The following ZNF292 variants were observed in gnomAD, a reference collection of about 807,000 sequenced individuals.
ZNF292 encodes 16 zinc-finger domain protein.
Under a neutral mutation model 217.9 loss-of-function variants are expected in ZNF292, and 26 were observed. That is an observed-to-expected ratio of 0.12 (90% CI 0.09 to 0.17). The LOEUF is 0.17. Ranked by LOEUF, ZNF292 falls within the 10% of genes least tolerant of loss-of-function variation. ZNF292 has a pLI of 1.00. For synonymous variants in ZNF292, 1,257 were observed against 1,124.1 expected, an observed-to-expected ratio of 1.12 and a Z score of -2.37; for missense variants, 2,904 against 3,175.2, an observed-to-expected ratio of 0.91 and a Z score of 2.05.
rs188562887 is a variant in ZNF292, at chr6:87,245,145, G to T, written c.879-358G>T. Among the ~76,000 whole-genome samples the T allele has an allele frequency of 2.5e-4, 38 of 152,186 alleles. No individual in the cohort carries two copies. The East Asian group carries it at 7.2e-3, about 29-fold the overall frequency. ...AATCCCAGCTACTCAGGAGGCTGAG[G>T]CAGAAGAATCGCTTGAACCCGGGAG... On this transcript the variant is annotated intron_variant, in intron 6 of 7. Transcript: ENST00000369577.
Position 87,260,229 on chromosome 6 carries a change from T to C in ZNF292, c.6600T>C (p.Thr2200=). The C allele has an allele frequency of 1.2e-6, 2 of 1,613,666 alleles. No individual in the cohort carries two copies. The highest frequency in any genetic ancestry group is 1.7e-6 in the Non-Finnish European group (2 of 1,179,650). The change falls in exon 8 of 8, where the codon ACT becomes ACC. Residue 2200 remains threonine (T), a synonymous_variant. Coordinates refer to ENST00000369577, the MANE Select transcript of ZNF292 (RefSeq NM_015021.3). The part of the protein sequence containing the change: ...IQHYMKLHEM[T]PEEIESMTAS... ...ACTACATGAAACTTCATGAAATGAC[T>C]CCTGAAGAAATTGAAAGTATGACTG...
chr6:87,206,979 A>C (rs1772276231), intron 1 of ZNF292, among the ~76,000 whole-genome samples: 1 of 152,230 alleles, frequency 6.6e-6, no homozygotes, highest in Non-Finnish European at 1.5e-5. Context: ...TTTGTGAGTT[A>C]ATGTGAATTA....
chr6:87,182,288 CTATTA>C (rs1771494737), intron 1 of ZNF292, among the ~76,000 whole-genome samples: 1 of 152,120 alleles, frequency 6.6e-6, no homozygotes, highest in Admixed American at 6.6e-5. Context: ...AGTTAAAAGT[CTATTA>C]TATTGTAATT....
intron 1 of ZNF292, among the ~76,000 whole-genome samples, chr6:87,167,511 C>T (rs1436120646): frequency 6.6e-6 from 1 of 152,172 alleles, no homozygotes; most frequent in African/African-American, 2.4e-5. Flanking sequence ...CTTGGTGGCA[C>T]ATGCCTGTAA....
rs1482640835 is a variant in ZNF292 at position 87,265,149 on chromosome 6, G to A, written c.*3348G>A. 1.3e-5 allele frequency among the ~76,000 whole-genome samples: 2 copies of A among 151,402 alleles called. No homozygotes were observed. The highest frequency in any genetic ancestry group is 1.9e-4 in the East Asian group (1 of 5,170). On this transcript the variant is annotated 3_prime_UTR_variant, in exon 8 of 8. Transcript: ENST00000369577. ...TTTTTTGGAGACAGAGTCTCGCTCT[G>A]TTGCCCAGGCTGGAGTGCAGTGTTG...
In ZNF292 at chr6:87,243,567, G is replaced by A. The variant is rs781382344; in HGVS notation, c.834G>A (p.Ala278=). The A allele has an allele frequency of 1.3e-5, 21 of 1,556,232 alleles. No individual in the cohort carries two copies. The highest frequency in any genetic ancestry group is 2.0e-5 in the Admixed American group (1 of 51,174). Residue 278 remains alanine (A), a synonymous_variant, in exon 6 of 8, where the codon GCG becomes GCA. Coordinates refer to ENST00000369577, the MANE Select transcript of ZNF292 (RefSeq NM_015021.3). The stretch of plus-strand genomic sequence containing the variant: ...AAAGCGCTCTTGTTTTATGTACTGC[G>A]TTTTTGTCACGTCAGCTCCAACAAG... ...DEKSALVLCT[A]FLSRQLQQGD...
At chr6:87,162,372 C>G (rs1390743892) in intron 1 of ZNF292, among the ~76,000 whole-genome samples, 1 of 152,164 alleles carries the variant, frequency 6.6e-6, no homozygotes, top group Non-Finnish European at 1.5e-5. Context: ...ATTATAACTG[C>G]AAGATCTTTG....
At position 87,228,489 on chromosome 6, in the gene ZNF292, C is replaced by T. The variant is rs185554635; in HGVS notation, c.539-4836C>T. 2.6e-3 allele frequency among the ~76,000 whole-genome samples: 402 copies of T among 152,226 alleles called. 9 individuals carry two copies. Among genetic ancestry groups the T allele is most frequent in the Non-Finnish European group, 7.9e-4 (54 of 68,004 alleles). On this transcript the variant is annotated intron_variant, in intron 4 of 7. Coordinates refer to ENST00000369577, the MANE Select transcript of ZNF292 (RefSeq NM_015021.3). ...GCCTATGACACATTTGGTGTCATAGCCAAGAAATCATTGCCAGTCTATTGT... is the reference window on the plus strand; with the variant it reads ...GCCTATGACACATTTGGTGTCATAGTCAAGAAATCATTGCCAGTCTATTGT...
At chr6:87,205,939 T>C (rs544855114) in intron 1 of ZNF292, among the ~76,000 whole-genome samples, 1 of 152,356 alleles carries the variant, frequency 6.6e-6, no homozygotes, top group South Asian at 2.1e-4. Flanking sequence ...CTTAGTAGCA[T>C]TTAATGTAAG....
chr6:87,235,352 C>T (rs986951900), intron 5 of ZNF292, among the ~76,000 whole-genome samples: 3 of 152,052 alleles, frequency 2.0e-5, no homozygotes, highest in African/African-American at 7.2e-5. Flanking sequence ...TTCATCTGAC[C>T]TCCCTTCCCC....
At chr6:87,216,118 C>G (rs1582435268) in intron 2 of ZNF292, 61 bp downstream of exon 2, 3 of 158,652 alleles carry the variant, frequency 1.9e-5, no homozygotes, top group African/African-American at 1.9e-4. Context: ...GACACACACA[C>G]ACACACACAC....
intron 1 of ZNF292, among the ~76,000 whole-genome samples, chr6:87,179,158 C>CTTT (rs10670719): frequency 0.45 from 51,630 of 115,132 alleles, 12,284 homozygotes; most frequent in East Asian, 0.54. Flanking sequence ...ATATATGTGG[C>CTTT]TTTTTTTTTT....
intron 7 of ZNF292, among the ~76,000 whole-genome samples, chr6:87,254,124 C>T (rs994952722): frequency 6.6e-6 from 1 of 152,134 alleles, no homozygotes; most frequent in Non-Finnish European, 1.5e-5. Flanking sequence ...CTATTTCTTT[C>T]AGTACTGATC....
chr6:87,261,366 A>T lies in ZNF292; in HGVS notation c.7737A>T (p.Ala2579=), dbSNP rs960309388. The T allele has an allele frequency of 2.5e-6, 4 of 1,613,214 alleles. No homozygotes were observed. The African/African-American group carries it at 4.0e-5, about 16-fold the overall frequency. The change falls in exon 8 of 8, where the codon GCA becomes GCT. Residue 2579 remains alanine, a synonymous_variant. Coordinates refer to ENST00000369577, the MANE Select transcript of ZNF292 (RefSeq NM_015021.3). ...TTCAAACCATTGAGGAGCATCCTGCATCTTTTGACTGGAGCTCTTTTAAGC... is the reference window on the plus strand; with the variant it reads ...TTCAAACCATTGAGGAGCATCCTGCTTCTTTTGACTGGAGCTCTTTTAAGC... ...VAIQTIEEHP[A]SFDWSSFKPM...
chr6:87,195,596 C>T (rs533598696), intron 1 of ZNF292, among the ~76,000 whole-genome samples: 2 of 151,910 alleles, frequency 1.3e-5, no homozygotes, highest in East Asian at 1.9e-4. Flanking sequence ...TTCCTGTGAC[C>T]GTTAAAATTT....
At chr6:87,229,331 A>G (rs1341670953) in intron 4 of ZNF292, among the ~76,000 whole-genome samples, 1 of 152,142 alleles carries the variant, frequency 6.6e-6, no homozygotes, top group Non-Finnish European at 1.5e-5. Flanking sequence ...AGGGCTTTCT[A>G]CATACAAGAT....
chr6:87,184,141 A>G (rs1459255380), intron 1 of ZNF292, among the ~76,000 whole-genome samples: 1 of 152,374 alleles, frequency 6.6e-6, no homozygotes, highest in Non-Finnish European at 1.5e-5. Context: ...CCTTTATACA[A>G]TTTATACCTC....
Position 87,258,780 on chromosome 6 carries a change from C to G in ZNF292, c.5151C>G (p.Ala1717=), listed in dbSNP as rs773513284. The G allele has an allele frequency of 3.1e-6, 5 of 1,613,234 alleles. No individual in the cohort carries two copies. The South Asian group carries it at 4.4e-5, about 14-fold the overall frequency. ...KTSLESHTVL[A]PLTLKTENGD... ...GTCTTGAGTCCCATACAGTGTTAGCCCCTTTAACATTAAAAACTGAAAATG... is the reference window on the plus strand; with the variant it reads ...GTCTTGAGTCCCATACAGTGTTAGCGCCTTTAACATTAAAAACTGAAAATG... Residue 1717 remains alanine, a synonymous_variant, in exon 8 of 8, where the codon GCC becomes GCG. Transcript: ENST00000369577.
intron 4 of ZNF292, among the ~76,000 whole-genome samples, chr6:87,226,670 TATATAGATATATAGA>T (rs1337778296): frequency 3.1e-4 from 34 of 108,126 alleles, no homozygotes; most frequent in Admixed American, 7.9e-4. Flanking sequence ...GATATATAGA[TATATAGATATATAGA>T]TTTTTTTTTT....
Sources: allele counts gnomAD v4.1 joint callset (sites outside exome capture counted in the v4.1 genomes callset), GRCh38; gene constraint gnomAD v4.1.1; transcripts MANE v1.5; gene names NCBI Gene and HGNC (gene_info 2026-07-23, HGNC 2026-07-21).